The following TASP1 variants were observed in gnomAD, a reference collection of about 807,000 sequenced individuals.
TASP1 encodes the protein threonine aspartase 1.
A neutral mutation model predicts 56.6 loss-of-function variants in TASP1; 16 were observed. That is an observed-to-expected ratio of 0.28 (90% CI 0.19 to 0.43). The LOEUF (loss-of-function observed/expected upper bound fraction) is 0.43. Ranked by LOEUF, TASP1 falls within the 20% of genes least tolerant of loss-of-function variation. The pLI is 1.00. For missense variants in TASP1, 393 were observed against 511.6 expected (o/e 0.77, Z 2.24); for synonymous variants, 179 against 184.2 (o/e 0.97, Z 0.23).
intron 10 of TASP1, among the ~76,000 whole-genome samples, chr20:13,522,099 C>A (rs1205885511): frequency 2.6e-5 from 4 of 152,078 alleles, no homozygotes; most frequent in Admixed American, 1.3e-4. Flanking sequence ...AAAGGAGCCA[C>A]CGTAGCTGGA....
intron 11 of TASP1, among the ~76,000 whole-genome samples, chr20:13,467,123 T>C (rs1421954768): frequency 6.6e-6 from 1 of 151,958 alleles, no homozygotes; most frequent in Non-Finnish European, 1.5e-5. Context: ...GATTCTCATA[T>C]TAACATTTTG....
chr20:13,117,765 G>A, the TASP1 span: 81 of 1,549,624 alleles, frequency 5.2e-5, no homozygotes, highest in Admixed American at 5.8e-5. Context: ...AAACCTGAGC[G>A]CCCTGGGGAT....
At chr20:13,409,725 TGGGA>T (rs2042035493) in intron 13 of TASP1, among the ~76,000 whole-genome samples, 1 of 152,290 alleles carries the variant, frequency 6.6e-6, no homozygotes, top group Admixed American at 6.5e-5. Context: ...TACATATGTA[TGGGA>T]TACATGTGAT....
At chr20:13,500,242 TG>T (rs1490770962) in intron 10 of TASP1, among the ~76,000 whole-genome samples, 1 of 139,486 alleles carries the variant, frequency 7.2e-6, no homozygotes, top group East Asian at 2.1e-4. Flanking sequence ...TAAAAATGTG[TG>T]TGTGTGTCTG....
At chr20:13,416,180 A>C (rs1600723027) in intron 13 of TASP1, among the ~76,000 whole-genome samples, 1 of 152,238 alleles carries the variant, frequency 6.6e-6, no homozygotes, top group Admixed American at 6.5e-5. Flanking sequence ...TCCCTGTTGG[A>C]AAACAGAGAT....
chr20:13,358,045 G>C, the TASP1 span, among the ~76,000 whole-genome samples: 1 of 152,134 alleles, frequency 6.6e-6, no homozygotes, highest in Admixed American at 6.5e-5. Flanking sequence ...GCCGGTCCTT[G>C]CCTTAACTGA....
At chr20:13,492,418 G>A (rs1262818866) in intron 10 of TASP1, among the ~76,000 whole-genome samples, 2 of 152,132 alleles carry the variant, frequency 1.3e-5, no homozygotes, top group Admixed American at 6.5e-5. Flanking sequence ...CCTTTTCCCT[G>A]TCAAAGGATT....
intron 13 of TASP1, among the ~76,000 whole-genome samples, chr20:13,405,133 T>G (rs918590403): frequency 1.3e-5 from 2 of 152,190 alleles, no homozygotes; most frequent in Non-Finnish European, 2.9e-5. Flanking sequence ...GCCTGAAAAA[T>G]TCTTTATATC....
At chr20:13,142,213 A>G in the TASP1 span, among the ~76,000 whole-genome samples, 3 of 152,212 alleles carry the variant, frequency 2.0e-5, no homozygotes, top group African/African-American at 7.2e-5. Flanking sequence ...TGTGTCTTTT[A>G]GATGGCACTG....
intron 5 of TASP1, among the ~76,000 whole-genome samples, chr20:13,581,452 G>A (rs946490097): frequency 3.3e-5 from 5 of 152,050 alleles, no homozygotes; most frequent in African/African-American, 1.2e-4. Context: ...AAAATTAATG[G>A]GGGAAAAATA....
At chr20:13,365,675 G>A in the TASP1 span, among the ~76,000 whole-genome samples, 1 of 152,210 alleles carries the variant, frequency 6.6e-6, no homozygotes, top group Non-Finnish European at 1.5e-5. Context: ...AAAAAGAGAG[G>A]GGAGAGGTGG....
chr20:13,118,460 C>CAA, the TASP1 span, among the ~76,000 whole-genome samples: 1 of 127,634 alleles, frequency 7.8e-6, no homozygotes, highest in Non-Finnish European at 1.6e-5. Flanking sequence ...AAAAAAAAAA[C>CAA]AAAAAAAAAC....
chr20:13,392,407 T>C (rs935684624), intron 13 of TASP1, among the ~76,000 whole-genome samples: 2 of 152,180 alleles, frequency 1.3e-5, no homozygotes, highest in Non-Finnish European at 2.9e-5. Flanking sequence ...CATATGAGCA[T>C]TTCTCATCCA....
the TASP1 span, among the ~76,000 whole-genome samples, chr20:13,251,270 G>T: frequency 6.6e-6 from 1 of 152,104 alleles, no homozygotes; most frequent in Non-Finnish European, 1.5e-5. Flanking sequence ...CCTTCCACAG[G>T]CATTGAATTC....
chr20:13,159,984 T>C, the TASP1 span: 4 of 1,528,474 alleles, frequency 2.6e-6, no homozygotes, highest in East Asian at 6.9e-5. Flanking sequence ...TTTTTTTTCT[T>C]TTTTTGCTTT....
At chr20:13,496,663 C>T (rs1289960723) in intron 10 of TASP1, among the ~76,000 whole-genome samples, 2 of 151,952 alleles carry the variant, frequency 1.3e-5, no homozygotes, top group African/African-American at 4.8e-5. Flanking sequence ...GGCTCCAGTG[C>T]CAAAAGATGG....
intron 4 of TASP1, among the ~76,000 whole-genome samples, chr20:13,590,498 C>T (rs569886417): frequency 1.3e-5 from 2 of 152,144 alleles, no homozygotes; most frequent in South Asian, 2.1e-4. Flanking sequence ...ATGTTAAACT[C>T]GATCATATAA....
At chr20:13,591,161 A>C (rs2047517371) in intron 4 of TASP1, among the ~76,000 whole-genome samples, 1 of 152,086 alleles carries the variant, frequency 6.6e-6, no homozygotes, top group African/African-American at 2.4e-5. Context: ...TCCCAAATAA[A>C]AGTAGACAAA....
the TASP1 span, among the ~76,000 whole-genome samples, chr20:13,218,606 G>A: frequency 6.6e-6 from 1 of 152,162 alleles, no homozygotes; most frequent in Non-Finnish European, 1.5e-5. Context: ...GAAGGAGGTA[G>A]GATTTTAAAC....
Sources: gnomAD v4.1 joint callset for allele counts (sites outside exome capture counted in the v4.1 genomes callset) on GRCh38, gnomAD v4.1.1 for gene constraint, MANE v1.5 for transcripts, NCBI Gene and HGNC (gene_info 2026-07-23, HGNC 2026-07-21) for gene names.